Variants in SMOC1 observed in about 807,000 individuals in gnomAD.
The protein encoded by SMOC1 is SPARC-related modular calcium-binding protein 1.
A neutral mutation model predicts 56.3 loss-of-function variants in SMOC1; 22 were observed. The ratio of observed to expected loss-of-function variants is 0.39; its 90% CI spans 0.28 to 0.56. The LOEUF is 0.56. Ranked by LOEUF, SMOC1 falls within the 20% of genes least tolerant of loss-of-function variation. SMOC1 has a pLI of 0.61. For synonymous variants in SMOC1, 193 were observed against 215.0 expected (o/e 0.90, Z 0.89); for missense variants, 509 against 565.4 (o/e 0.90, Z 1.01).
At chr14:70,006,102 G>T (rs906887408) in intron 7 of SMOC1, among the ~76,000 whole-genome samples, 6 of 152,152 alleles carry the variant, frequency 3.9e-5, no homozygotes, top group Admixed American at 6.5e-5. Flanking sequence ...GACCCATTTG[G>T]GATTTAGGTA....
chr14:69,942,186 T>G (rs1474986079), intron 1 of SMOC1, among the ~76,000 whole-genome samples: 1 of 152,070 alleles, frequency 6.6e-6, no homozygotes, highest in African/African-American at 2.4e-5. Context: ...AGTGGAGATA[T>G]GTCCACATGT....
At chr14:69,920,143 A>G (rs767445094) in intron 1 of SMOC1, among the ~76,000 whole-genome samples, 1 of 152,164 alleles carries the variant, frequency 6.6e-6, no homozygotes. Context: ...GAAGGACAGC[A>G]TGTGCCCCTG....
chr14:70,023,595 T>C (rs1885814821), intron 11 of SMOC1, 148 bp downstream of exon 11: 3 of 1,223,608 alleles, frequency 2.5e-6, no homozygotes, highest in Non-Finnish European at 3.5e-6. Flanking sequence ...GCTAGATGTT[T>C]GAGACAGTGG....
intron 5 of SMOC1, among the ~76,000 whole-genome samples, chr14:69,991,176 T>C (rs769435690): frequency 2.6e-5 from 4 of 152,144 alleles, no homozygotes; most frequent in Non-Finnish European, 4.4e-5. Flanking sequence ...TAGTGTTCCA[T>C]CCTAAAAGAC....
At chr14:69,952,374 C>A in intron 2 of SMOC1, 71 bp downstream of exon 2, 1 of 1,580,450 alleles carries the variant, frequency 6.3e-7, no homozygotes. Context: ...TATGCATTTG[C>A]AACAGGGAAG....
At chr14:69,963,915 C>T (rs1322625140) in intron 3 of SMOC1, among the ~76,000 whole-genome samples, 2 of 152,166 alleles carry the variant, frequency 1.3e-5, no homozygotes, top group African/African-American at 4.8e-5. Context: ...GAACTGGTCC[C>T]CATGCCCCCA....
In SMOC1 at chr14:70,031,789, A is replaced by G. The variant is rs888039633; in HGVS notation, c.*1531A>G. 2 of 152,476 alleles carry G rather than the reference A, an allele frequency of 1.3e-5. No individual in the cohort carries two copies. The highest frequency in any genetic ancestry group is 4.8e-5 in the African/African-American group (2 of 41,470). The allele number at this position is 152,476 out of a possible 1,614,324, so 9.4% of individuals were successfully genotyped here. A position where few individuals can be genotyped will look rare whatever the true frequency, so the allele number is the denominator to read the frequency against. On this transcript the variant is annotated 3_prime_UTR_variant, in exon 12 of 12. Coordinates refer to ENST00000361956, the MANE Select transcript of SMOC1 (RefSeq NM_001034852.3). ...GTGGCCCTTAGCGCCCCTTCCCATA[A>G]GCAGCTGTGGTGGCAGTGAGGGAGG...
intron 7 of SMOC1, among the ~76,000 whole-genome samples, chr14:70,010,040 G>A (rs1260379376): frequency 1.3e-5 from 2 of 152,190 alleles, no homozygotes; most frequent in African/African-American, 4.8e-5. Flanking sequence ...GGACTGGCTC[G>A]GGGGAAACCA....
At chr14:69,982,579 A>C (rs141625669) in intron 5 of SMOC1, among the ~76,000 whole-genome samples, 3 of 152,348 alleles carry the variant, frequency 2.0e-5, no homozygotes, top group Admixed American at 1.3e-4. Context: ...AGGTGTTAAC[A>C]CACCTGAAGG....
chr14:69,951,333 A>G (rs1882989494), intron 1 of SMOC1, among the ~76,000 whole-genome samples: 2 of 152,214 alleles, frequency 1.3e-5, no homozygotes, highest in Non-Finnish European at 2.9e-5. Flanking sequence ...ATTAGACTCC[A>G]TAGCTCAATG....
At position 69,990,412 on chromosome 14, in the gene SMOC1, T is replaced by G. The variant is rs143491161; in HGVS notation, c.527-2005T>G. ...TCATTATCATCCCTCCTGGAATGTT[T>G]GATTTTTCACTTTCCCTTTGTTAGC... On this transcript the variant is annotated intron_variant, in intron 5 of 11. Coordinates refer to ENST00000361956, the MANE Select transcript of SMOC1 (RefSeq NM_001034852.3). Among the ~76,000 whole-genome samples the G allele has an allele frequency of 9.2e-5, 14 of 152,352 alleles. No individual in the cohort carries two copies. In the East Asian group the frequency reaches 2.5e-3, roughly 27 times the overall value.
chr14:69,899,185 C>T (rs188179741), intron 1 of SMOC1, among the ~76,000 whole-genome samples: 5 of 152,282 alleles, frequency 3.3e-5, no homozygotes, highest in Non-Finnish European at 5.9e-5. Flanking sequence ...GTTACGGGAA[C>T]AGAATGCTTT....
chr14:69,995,285 G>A (rs957050147), intron 7 of SMOC1, among the ~76,000 whole-genome samples: 11 of 152,210 alleles, frequency 7.2e-5, no homozygotes, highest in Admixed American at 7.2e-4. Context: ...TGAGTGTCCT[G>A]TCATTGGTCC....
intron 7 of SMOC1, among the ~76,000 whole-genome samples, chr14:70,008,964 G>A (rs988744054): frequency 3.3e-5 from 5 of 152,148 alleles, no homozygotes; most frequent in Admixed American, 2.0e-4. Context: ...GTTTCCCAAG[G>A]CCCCTCTCCC....
At chr14:69,962,835 C>T (rs909308749) in intron 3 of SMOC1, among the ~76,000 whole-genome samples, 13 of 152,052 alleles carry the variant, frequency 8.5e-5, no homozygotes, top group African/African-American at 2.7e-4. Context: ...TCTTGGCCTC[C>T]GAAAGTGCTG....
intron 3 of SMOC1, among the ~76,000 whole-genome samples, chr14:69,969,439 AGAGCAG>A (rs1016242644): frequency 2.0e-5 from 3 of 151,122 alleles, no homozygotes; most frequent in East Asian, 1.9e-4. Flanking sequence ...TCACATGGCC[AGAGCAG>A]GAGCAGGAGC....
intron 1 of SMOC1, among the ~76,000 whole-genome samples, chr14:69,950,098 G>T (rs978913160): frequency 2.0e-5 from 3 of 152,232 alleles, no homozygotes; most frequent in African/African-American, 7.2e-5. Context: ...CCCTGGGCAA[G>T]ATTCAGGTGT....
intron 4 of SMOC1, among the ~76,000 whole-genome samples, chr14:69,976,118 G>A (rs1029131151): frequency 6.6e-6 from 1 of 152,204 alleles, no homozygotes; most frequent in African/African-American, 2.4e-5. Flanking sequence ...CTTTTGTGCT[G>A]ATTCTGATTG....
In SMOC1 at chr14:69,989,191, C is replaced by T. The variant is rs1177378601; in HGVS notation, c.527-3226C>T. On this transcript the variant is annotated intron_variant, in intron 5 of 11. Transcript: ENST00000361956. ...GGTTCCATTTCCTCCACATCCTTACCAACACTTAATATTGTCTATCTTTTT... is the reference window on the plus strand; with the variant it reads ...GGTTCCATTTCCTCCACATCCTTACTAACACTTAATATTGTCTATCTTTTT... Among the ~76,000 whole-genome samples the T allele has an allele frequency of 2.6e-5, 4 of 152,266 alleles. No individual in the cohort carries two copies. In the East Asian group the frequency reaches 5.8e-4, roughly 22 times the overall value.
Sources: allele counts gnomAD v4.1 joint callset (sites outside exome capture counted in the v4.1 genomes callset), GRCh38; gene constraint gnomAD v4.1.1; transcripts MANE v1.5; gene names NCBI Gene and HGNC (gene_info 2026-07-23, HGNC 2026-07-21).